The following SFPQ variants were observed in gnomAD, a reference collection of about 807,000 sequenced individuals.
SFPQ encodes splicing factor, proline- and glutamine-rich.
Under a neutral mutation model 72.9 loss-of-function variants are expected in SFPQ, and 11 were observed. The ratio of observed to expected loss-of-function variants is 0.15; its 90% CI spans 0.09 to 0.25. The LOEUF (loss-of-function observed/expected upper bound fraction) is 0.25. Among genes scored for constraint, SFPQ ranks in the 10% least tolerant of loss-of-function variants. SFPQ has a pLI of 1.00. For synonymous variants in SFPQ, 506 were observed against 367.3 expected (o/e 1.38, Z -4.32); for missense variants, 847 against 993.3 (o/e 0.85, Z 1.98).
Position 35,184,018 on chromosome 1 carries a change from A to G in SFPQ, c.*438T>C. 1 of 1,057,336 alleles carries G rather than the reference A, an allele frequency of 9.5e-7. No homozygotes were observed. The highest frequency in any genetic ancestry group is 1.1e-6 in the Non-Finnish European group (1 of 874,154). The allele number at this position is 1,057,336 out of a possible 1,614,324, so 65.5% of individuals were successfully genotyped here. ...TAGCCTCCAGATGCATTTCCCAGAA[A>G]TGGCATATGCCATTCAAAGGCCTAG... On this transcript the variant is annotated 3_prime_UTR_variant, in exon 10 of 10. Coordinates refer to ENST00000357214, the MANE Select transcript of SFPQ (RefSeq NM_005066.3).
intron 6 of SFPQ, 47 bp from the exon 7 acceptor site, chr1:35,188,137 T>C (rs1271265399): frequency 7.1e-7 from 1 of 1,399,596 alleles, no homozygotes; most frequent in African/African-American, 1.4e-5. Flanking sequence ...TCCACATCTT[T>C]TAGAATTCAA....
At position 35,189,384 on chromosome 1, in the gene SFPQ, TAAC is replaced by T. The variant is rs978069152; in HGVS notation, c.1416-5_1416-3del. 8 of 1,610,556 alleles carry T rather than the reference TAAC, an allele frequency of 5.0e-6. No individual in the cohort carries two copies. In the African/African-American group the frequency reaches 5.4e-5, roughly 11 times the overall value. ...AAACGAGGAGGGGTTTCTCTCTCCC[TAAC>T]AATACACAAAATTTTAACATGAACC... On this transcript the variant is annotated splice_region_variant and splice_polypyrimidine_tract_variant and intron_variant, in intron 4 of 9. Transcript: ENST00000357214.
chr1:35,180,578 C>CA (rs1639426255), downstream of SFPQ: 1 of 1,049,140 alleles, frequency 9.5e-7, no homozygotes, highest in East Asian at 5.5e-5. Context: ...CATCTAAGCC[C>CA]AAGTTAGTAA....
At chr1:35,180,567 CCAT>C, downstream of SFPQ, 1 of 1,048,924 alleles carries the variant, frequency 9.5e-7, no homozygotes, top group Non-Finnish European at 1.2e-6. Flanking sequence ...CATTAGATTC[CCAT>C]CTAAGCCCAA....
chr1:35,181,837 T>C (rs1355350025), downstream of SFPQ: 6 of 984,230 alleles, frequency 6.1e-6, no homozygotes, highest in South Asian at 4.7e-5. Context: ...CATATATACA[T>C]TGAAGACTTA....
downstream of SFPQ, chr1:35,182,810 C>A: frequency 9.5e-7 from 1 of 1,051,036 alleles, no homozygotes. Context: ...AACATATTTA[C>A]ACTGGGAAAT....
chr1:35,192,580 A>G lies in SFPQ; in HGVS notation c.470T>C (p.Val157Ala). The G allele has an allele frequency of 3.7e-6, 5 of 1,335,040 alleles. No homozygotes were observed. Among genetic ancestry groups the G allele is most frequent in the Non-Finnish European group, 4.8e-6 (5 of 1,049,340 alleles). The allele number at this position is 1,335,040 out of a possible 1,614,324, so 82.7% of individuals were successfully genotyped here. Reference sequence around the variant, plus strand: ...CGGCGCCCCGGGAGGGGCCGAGGTGACTGCAGGCGGCGGGGTCGGAGTCGG... The same window carrying G: ...CGGCGCCCCGGGAGGGGCCGAGGTGGCTGCAGGCGGCGGGGTCGGAGTCGG... ...PGPTPTPPPAVTSAPPGAPPP... is the reference protein window; with the variant it reads ...PGPTPTPPPAATSAPPGAPPP... Residue 157 changes from valine (V) to alanine (A), a missense_variant, in exon 1 of 10, where the codon GTC becomes GCC. Coordinates refer to ENST00000357214, the MANE Select transcript of SFPQ (RefSeq NM_005066.3).
intron 2 of SFPQ, 76 bp downstream of exon 2, chr1:35,191,265 A>G: frequency 8.1e-7 from 1 of 1,239,134 alleles, no homozygotes; most frequent in South Asian, 1.3e-5. Context: ...TTAAAAACCA[A>G]GCCTTCAGCG....
intron 4 of SFPQ, among the ~76,000 whole-genome samples, chr1:35,190,274 T>C (rs1639931642): frequency 1.3e-5 from 2 of 152,234 alleles, no homozygotes; most frequent in African/African-American, 4.8e-5. Flanking sequence ...CTTTATGCCA[T>C]TATTGCAGGG....
chr1:35,182,341 A>G (rs1639503909), downstream of SFPQ: 1 of 985,300 alleles, frequency 1.0e-6, no homozygotes, highest in African/African-American at 1.7e-5. Flanking sequence ...CCAATTAATA[A>G]CCTGTTTGGG....
intron 5 of SFPQ, chr1:35,176,488 A>ATGAT (rs1639241770): frequency 6.6e-6 from 1 of 152,192 alleles, no homozygotes; most frequent in African/African-American, 2.4e-5. Context: ...ATTAAAGGGT[A>ATGAT]TGATTACTCC....
In SFPQ at chr1:35,187,118, G is replaced by A. The variant is rs887159697; in HGVS notation, c.1869C>T (p.Pro623=). ...GGGGAMNMGD[P]YGSGGQKFPP... is the part of the protein sequence containing the mutation. ...GAAATTTCTGGCCTCCTGAACCATA[G>A]GGATCTAGAAAACAAAAATAGTGGT... The change falls in exon 9 of 10, where the codon CCC becomes CCT. Residue 623 remains proline, a synonymous_variant. Coordinates refer to ENST00000357214, the MANE Select transcript of SFPQ (RefSeq NM_005066.3). The A allele has an allele frequency of 1.2e-6, 2 of 1,613,918 alleles. No individual in the cohort carries two copies. The highest frequency in any genetic ancestry group is 1.3e-5 in the African/African-American group (1 of 74,986).
Position 35,192,676 on chromosome 1 carries a change from G to A in SFPQ, c.374C>T (p.Pro125Leu), listed in dbSNP as rs1476180118. 1 of 1,412,090 alleles carries A rather than the reference G, an allele frequency of 7.1e-7. No homozygotes were observed. The highest frequency in any genetic ancestry group is 9.2e-7 in the Non-Finnish European group (1 of 1,091,530). The allele number at this position is 1,412,090 out of a possible 1,614,324, so 87.5% of individuals were successfully genotyped here. A position where few individuals can be genotyped will look rare whatever the true frequency, so the allele number is the denominator to read the frequency against. ...GGGCGGGGCCGAGCTGGAGGCTGGT[G>A]GTGCGCTGCCTACTCCGGGAGCGGG... ...PGPAPGVGSA[P>L]PASSSAPPAT... Residue 125 changes from proline (P) to leucine (L), a missense_variant, in exon 1 of 10, where the codon CCA (proline) becomes CTA (leucine). Around this residue, in one of 6 missense-constraint regions of SFPQ, gnomAD observed 498 missense variants for 405.1 expected, o/e 1.23. Transcript: ENST00000357214.
At position 35,183,950 on chromosome 1, in the gene SFPQ, C is replaced by T. The variant is rs553448250; in HGVS notation, c.*506G>A. ...CAAACTACTTCAATATGCATTTCTT[C>T]TTTTTAAAACAAAGGGGGCAATTAT... On this transcript the variant is annotated 3_prime_UTR_variant, in exon 10 of 10. Transcript: ENST00000357214. 16 of 1,050,954 alleles carry T rather than the reference C, an allele frequency of 1.5e-5. No homozygotes were observed. In the South Asian group the frequency reaches 6.8e-4, roughly 45 times the overall value. 65.1% of individuals were successfully genotyped at this position (1,050,954 alleles called of 1,614,324 possible).
chr1:35,178,900 AAT>A (rs869097715), downstream of SFPQ: 15 of 1,044,580 alleles, frequency 1.4e-5, no homozygotes, highest in East Asian at 4.0e-4. Context: ...AAAAAAAAAA[AAT>A]ATTTTTTTCA....
Position 35,190,855 on chromosome 1 carries a change from C to G in SFPQ, c.1158G>C (p.Leu386=). ...RNLSPYVSNE[L]LEEAFSQFGP... is the part of the protein sequence containing the mutation. ...CAAATTGGCTAAAGGCTTCTTCCAA[C>G]AGTTCATTGGAAACATAAGGTGAAA... Residue 386 remains leucine (L), a synonymous_variant, in exon 3 of 10, where the codon CTG becomes CTC. Transcript: ENST00000357214. 6.2e-7 allele frequency: 1 copy of G among 1,614,200 alleles called. No individual in the cohort carries two copies. The highest frequency in any genetic ancestry group is 8.5e-7 in the Non-Finnish European group (1 of 1,180,036).
Position 35,192,759 on chromosome 1 carries a change from C to T in SFPQ, c.291G>A (p.Gln97=), listed in dbSNP as rs767163219. 1 of 1,497,194 alleles carries T rather than the reference C, an allele frequency of 6.7e-7. No individual in the cohort carries two copies. 92.7% of individuals were successfully genotyped at this position (1,497,194 alleles called of 1,614,324 possible). A position where few individuals can be genotyped will look rare whatever the true frequency, so the allele number is the denominator to read the frequency against. Residue 97 remains glutamine (Q), a synonymous_variant, in exon 1 of 10, where the codon CAG becomes CAA. Transcript: ENST00000357214. ...AGTCCTGCGGCGGTGGCGGCGGCTGCTGCTGCTGATGCGGCTGTGGATGCG... is the reference window on the plus strand; with the variant it reads ...AGTCCTGCGGCGGTGGCGGCGGCTGTTGCTGCTGATGCGGCTGTGGATGCG... The part of the protein sequence containing the change: ...PPPHPQPHQQ[Q]QPPPPPQDSS...
At position 35,193,034 on chromosome 1, in the gene SFPQ, A is replaced by G. The variant is rs1183149147; in HGVS notation, c.16T>C (p.Phe6Leu). The part of the protein sequence containing the change: MSRDR[F>L]RSRGGGGGGF... ...CCACCGCCACCGCCACGACTCCGGA[A>G]CCGATCCCGAGACATGTCTGTGGTC... The change falls in exon 1 of 10, where the codon TTC becomes CTC. Residue 6 changes from phenylalanine to leucine, a missense_variant. Physicochemically the swap from Phe to Leu is conservative, Grantham distance 22. Around this residue, in one of 6 missense-constraint regions of SFPQ, gnomAD observed 19 missense variants for 43.8 expected, o/e 0.43. Coordinates refer to ENST00000357214, the MANE Select transcript of SFPQ (RefSeq NM_005066.3). The G allele has an allele frequency of 6.3e-7, 1 of 1,587,580 alleles. No homozygotes were observed. The highest frequency in any genetic ancestry group is 8.5e-7 in the Non-Finnish European group (1 of 1,175,040).
downstream of SFPQ, chr1:35,178,051 G>A (rs3200205): frequency 1.3e-3 from 1,618 of 1,282,766 alleles, 3 homozygotes; most frequent in South Asian, 6.2e-3. Flanking sequence ...AGAATAATAA[G>A]AAAAAGTTAA....
Sources: allele counts gnomAD v4.1 joint callset (sites outside exome capture counted in the v4.1 genomes callset), GRCh38; gene constraint gnomAD v4.1.1; regional missense constraint gnomAD v4.1.1; transcripts MANE v1.5; gene names NCBI Gene and HGNC (gene_info 2026-07-23, HGNC 2026-07-21).